KCNIP4: variants seen among roughly 807,000 people sequenced by gnomAD.
KCNIP4 encodes Kv channel-interacting protein 4.
KCNIP4 carries 12 observed loss-of-function variants against 34.0 expected under a neutral mutation model. That is an observed-to-expected ratio of 0.35 (90% confidence interval 0.23 to 0.57). KCNIP4 has a LOEUF of 0.57. Ranked by LOEUF, KCNIP4 falls within the 20% of genes least tolerant of loss-of-function variation. The probability of loss-of-function intolerance (pLI) is 0.83; values close to 1 mark genes in which losing one functional copy is unlikely to be tolerated. For synonymous variants in KCNIP4, 124 were observed against 102.2 expected (o/e 1.21, Z -1.29); for missense variants, 238 against 311.7 (o/e 0.76, Z 1.78).
intron 1 of KCNIP4, among the ~76,000 whole-genome samples, chr4:21,515,482 C>CA (rs1013471083): frequency 1.3e-5 from 2 of 151,788 alleles, no homozygotes; most frequent in East Asian, 1.9e-4. Flanking sequence ...ACTAAAAATA[C>CA]AAAAAAATTA....
At chr4:21,111,073 C>T (rs57132503) in intron 1 of KCNIP4, among the ~76,000 whole-genome samples, 68,636 of 152,002 alleles carry the variant, frequency 0.45, 16,030 homozygotes, top group African/African-American at 0.58. Flanking sequence ...TTCTAGAGAA[C>T]GTTTTCCTTT....
At chr4:21,016,574 C>A (rs530159981) in intron 1 of KCNIP4, among the ~76,000 whole-genome samples, 1 of 152,044 alleles carries the variant, frequency 6.6e-6, no homozygotes, top group East Asian at 1.9e-4. Flanking sequence ...GGATTACAGG[C>A]GTGAGACACC....
intron 1 of KCNIP4, among the ~76,000 whole-genome samples, chr4:21,228,388 T>C (rs577215492): frequency 6.6e-6 from 1 of 152,190 alleles, no homozygotes; most frequent in Non-Finnish European, 1.5e-5. Flanking sequence ...CCTCCAGTCA[T>C]GCTTCCTGTT....
At chr4:21,921,977 G>A (rs187877367) in intron 1 of KCNIP4, among the ~76,000 whole-genome samples, 9 of 152,126 alleles carry the variant, frequency 5.9e-5, no homozygotes, top group East Asian at 5.8e-4. Context: ...TGGGTGATCC[G>A]GCTCCCACCT....
At chr4:21,731,619 G>A (rs1236825160) in intron 1 of KCNIP4, among the ~76,000 whole-genome samples, 1 of 151,908 alleles carries the variant, frequency 6.6e-6, no homozygotes, top group Non-Finnish European at 1.5e-5. Context: ...CATCCTAAAG[G>A]CTTAAAATCT....
chr4:21,245,543 CTTG>C (rs1760134466), intron 1 of KCNIP4, among the ~76,000 whole-genome samples: 6 of 152,136 alleles, frequency 3.9e-5, no homozygotes, highest in Admixed American at 3.9e-4. Context: ...ATAATAAATA[CTTG>C]TTGAATAAAC....
chr4:21,100,393 A>T (rs914934611), intron 1 of KCNIP4, among the ~76,000 whole-genome samples: 3 of 152,126 alleles, frequency 2.0e-5, no homozygotes, highest in African/African-American at 7.2e-5. Flanking sequence ...TCTATCAAAA[A>T]ATACAAAAAA....
chr4:20,994,233 A>G lies in KCNIP4; in HGVS notation c.62-111524T>C, dbSNP rs562201204. ...CTTTGGGGTTTTTATTCTGCCTACT[A>G]TATAGATGTAATATATTAGTTATTT... On this transcript the variant is annotated intron_variant, in intron 1 of 8. Coordinates refer to ENST00000382152, the MANE Select transcript of KCNIP4 (RefSeq NM_025221.6). Among the ~76,000 whole-genome samples, 57 of 152,328 alleles carry G rather than the reference A, an allele frequency of 3.7e-4. 1 individual carries two copies. The highest frequency in any genetic ancestry group is 3.7e-3 in the South Asian group (18 of 4,826).
intron 1 of KCNIP4, among the ~76,000 whole-genome samples, chr4:21,689,246 A>G (rs1751055423): frequency 6.6e-6 from 1 of 152,186 alleles, no homozygotes; most frequent in Admixed American, 6.6e-5. Flanking sequence ...ATTTATTCCT[A>G]ATTACCAGGA....
intron 1 of KCNIP4, among the ~76,000 whole-genome samples, chr4:21,371,100 A>G (rs1471665692): frequency 1.4e-5 from 2 of 142,624 alleles, no homozygotes; most frequent in Non-Finnish European, 2.9e-5. Flanking sequence ...GCCAGAGATT[A>G]AATTAGAGGT....
chr4:21,909,766 T>C (rs1363938457), intron 1 of KCNIP4, among the ~76,000 whole-genome samples: 2 of 151,988 alleles, frequency 1.3e-5, no homozygotes. Flanking sequence ...GGCCTCACAA[T>C]CATGGTGGAA....
intron 1 of KCNIP4, among the ~76,000 whole-genome samples, chr4:21,673,123 G>C (rs1749632055): frequency 6.6e-6 from 1 of 152,234 alleles, no homozygotes; most frequent in Non-Finnish European, 1.5e-5. Flanking sequence ...GAGAGTATAG[G>C]AAAGGGTGAA....
intron 5 of KCNIP4, among the ~76,000 whole-genome samples, chr4:20,748,584 A>G (rs1256156285): frequency 4.3e-5 from 4 of 93,614 alleles, no homozygotes; most frequent in African/African-American, 1.5e-4. Flanking sequence ...ATATATATAT[A>G]TATATATATA....
At chr4:21,534,273 G>T (rs186821826) in intron 1 of KCNIP4, among the ~76,000 whole-genome samples, 423 of 152,252 alleles carry the variant, frequency 2.8e-3, no homozygotes, top group Middle Eastern at 0.014. Context: ...GGAGATCGAT[G>T]TTGTCTTTAC....
intron 1 of KCNIP4, among the ~76,000 whole-genome samples, chr4:20,942,032 G>A (rs1731692836): frequency 6.6e-6 from 1 of 152,196 alleles, no homozygotes; most frequent in Non-Finnish European, 1.5e-5. Flanking sequence ...AGGGATTCTA[G>A]TAGGGGAGGA....
chr4:21,211,427 G>A (rs1157747670), intron 1 of KCNIP4, among the ~76,000 whole-genome samples: 3 of 152,096 alleles, frequency 2.0e-5, no homozygotes. Flanking sequence ...TGTGGCATTA[G>A]AGTCTCATAA....
At chr4:21,765,819 G>GAAAAAAAA (rs374486594) in intron 1 of KCNIP4, among the ~76,000 whole-genome samples, 2 of 95,106 alleles carry the variant, frequency 2.1e-5, no homozygotes, top group East Asian at 4.0e-4. Flanking sequence ...ACCAGGCCGT[G>GAAAAAAAA]AAAAAAAAAA....
At chr4:21,355,672 C>A (rs1718507855) in intron 1 of KCNIP4, among the ~76,000 whole-genome samples, 1 of 152,102 alleles carries the variant, frequency 6.6e-6, no homozygotes, top group South Asian at 2.1e-4. Flanking sequence ...AGCCTACCAA[C>A]CAAGAAAAAG....
intron 1 of KCNIP4, among the ~76,000 whole-genome samples, chr4:21,509,452 G>A (rs28473594): frequency 0.07 from 10,636 of 152,094 alleles, 1,150 homozygotes; most frequent in African/African-American, 0.24. Context: ...TTGCTTGTTG[G>A]GATGATAACA....
Sources: gnomAD v4.1 joint callset for allele counts (sites outside exome capture counted in the v4.1 genomes callset) on GRCh38, gnomAD v4.1.1 for gene constraint, MANE v1.5 for transcripts, NCBI Gene and HGNC (gene_info 2026-07-23, HGNC 2026-07-21) for gene names.